NCAPD3: variants seen among roughly 807,000 people sequenced by gnomAD.
The protein encoded by NCAPD3 is condensin-2 complex subunit D3.
Under a neutral mutation model 182.9 loss-of-function variants are expected in NCAPD3, and 105 were observed. The observed-to-expected ratio is 0.57, with a 90% CI of 0.49 to 0.68. The LOEUF (loss-of-function observed/expected upper bound fraction) is 0.68, where lower values mean the gene tolerates loss of function less well. NCAPD3 is among the 30% of genes least tolerant of loss of function. NCAPD3 has a pLI of 0.00. For missense variants in NCAPD3, 1,944 were observed against 1,837.0 expected (o/e 1.06, Z -1.07); for synonymous variants, 815 against 679.9 (o/e 1.20, Z -3.09).
chr11:134,216,259 T>C (rs1214463581), intron 3 of NCAPD3, among the ~76,000 whole-genome samples: 1 of 152,262 alleles, frequency 6.6e-6, no homozygotes, highest in Admixed American at 6.5e-5. Context: ...AATCCTTTGC[T>C]AAACATTTGT....
rs186912402 is a variant in NCAPD3, at chr11:134,220,493, T to C, written c.219+79A>G. ...CCTGTGAACTGTACACCAAGAAAGCTAAGCTTCAGATTATAATAATGACTT... is the reference window on the plus strand; with the variant it reads ...CCTGTGAACTGTACACCAAGAAAGCCAAGCTTCAGATTATAATAATGACTT... On this transcript the variant is annotated intron_variant, in intron 2 of 34. Transcript: ENST00000534548. 1.2e-4 allele frequency: 162 copies of C among 1,397,650 alleles called. 2 individuals carry two copies. In the African/African-American group the frequency reaches 1.8e-3, roughly 16 times the overall value. The allele number at this position is 1,397,650 out of a possible 1,614,324, so 86.6% of individuals were successfully genotyped here.
intron 16 of NCAPD3, among the ~76,000 whole-genome samples, chr11:134,191,460 C>CTTA (rs1944522266): frequency 6.6e-6 from 1 of 151,982 alleles, no homozygotes; most frequent in South Asian, 2.1e-4. Flanking sequence ...ATTTACTGAC[C>CTTA]TTATGGTTTG....
At chr11:134,212,372 GTT>G (rs759637583) in intron 3 of NCAPD3, among the ~76,000 whole-genome samples, 5 of 98,374 alleles carry the variant, frequency 5.1e-5, no homozygotes, top group Non-Finnish European at 7.7e-5. Context: ...ACTTTTTGTT[GTT>G]TTGTGTGTGT....
upstream of NCAPD3, chr11:134,225,022 G>A (rs1477472727): frequency 1.7e-6 from 2 of 1,146,802 alleles, no homozygotes; most frequent in Non-Finnish European, 2.3e-6. Flanking sequence ...GCGGCCGAGC[G>A]CGCTCGCGCA....
intron 24 of NCAPD3, among the ~76,000 whole-genome samples, chr11:134,174,420 A>G (rs1030715183): frequency 6.6e-6 from 1 of 151,262 alleles, no homozygotes; most frequent in African/African-American, 2.4e-5. Context: ...AACAAAAAAA[A>G]CAGTATCTAA....
intron 3 of NCAPD3, among the ~76,000 whole-genome samples, chr11:134,213,069 T>C (rs1396264719): frequency 6.6e-6 from 1 of 152,164 alleles, no homozygotes; most frequent in African/African-American, 2.4e-5. Flanking sequence ...GGCTCATGCT[T>C]ACAATCCCAG....
At chr11:134,184,877 C>T in intron 18 of NCAPD3, 26 bp downstream of exon 18, 2 of 1,563,376 alleles carry the variant, frequency 1.3e-6, no homozygotes, top group Admixed American at 1.7e-5. Context: ...TGCATTTTCA[C>T]ATAAGATTCT....
chr11:134,166,943 ACACT>A (rs1247923338), intron 27 of NCAPD3, among the ~76,000 whole-genome samples: 1 of 116,748 alleles, frequency 8.6e-6, no homozygotes, highest in Admixed American at 8.9e-5. Flanking sequence ...GGGGAGCTGC[ACACT>A]CACTAGTGAG....
chr11:134,176,563 A>G (rs1275793000), intron 23 of NCAPD3, among the ~76,000 whole-genome samples, 177 bp from the exon 24 acceptor site: 1 of 152,122 alleles, frequency 6.6e-6, no homozygotes, highest in African/African-American at 2.4e-5. Context: ...GAACAACATC[A>G]CCCTTCTACC....
intron 3 of NCAPD3, among the ~76,000 whole-genome samples, chr11:134,215,349 G>T (rs1937975765): frequency 2.0e-5 from 3 of 152,012 alleles, no homozygotes. Flanking sequence ...AAAATAAATA[G>T]AAAGAACCCA....
At position 134,204,292 on chromosome 11, in the gene NCAPD3, G is replaced by T; in HGVS notation, c.1090-121C>A. Reference sequence around the variant, plus strand: ...TAGTTCAATGACCTTTAAATGTTACGTAAATGACTAATAAATTTTAGGTTT... The same window carrying T: ...TAGTTCAATGACCTTTAAATGTTACTTAAATGACTAATAAATTTTAGGTTT... On this transcript the variant is annotated intron_variant, in intron 9 of 34. Coordinates refer to ENST00000534548, the MANE Select transcript of NCAPD3 (RefSeq NM_015261.3). The surrounding 1 kb of genome is among the most constrained non-coding windows in gnomAD (Gnocchi z 4.3). 1 of 1,062,924 alleles carries T rather than the reference G, an allele frequency of 9.4e-7. No individual in the cohort carries two copies. Among genetic ancestry groups the T allele is most frequent in the African/African-American group, 1.6e-5 (1 of 62,742 alleles). 65.8% of individuals were successfully genotyped at this position (1,062,924 alleles called of 1,614,324 possible). A position where few individuals can be genotyped will look rare whatever the true frequency, so the allele number is the denominator to read the frequency against.
chr11:134,195,081 G>A (rs536566905), intron 13 of NCAPD3, among the ~76,000 whole-genome samples: 31 of 152,254 alleles, frequency 2.0e-4, no homozygotes, highest in Admixed American at 3.9e-4. Flanking sequence ...TATAACAGCA[G>A]CTTTAAAATG....
intron 24 of NCAPD3, among the ~76,000 whole-genome samples, chr11:134,175,141 A>G (rs1258660675): frequency 6.6e-6 from 1 of 152,194 alleles, no homozygotes; most frequent in East Asian, 1.9e-4. Context: ...TCCCACATAC[A>G]GTTTACTCAT....
At position 134,210,296 on chromosome 11, in the gene NCAPD3, T is replaced by G; in HGVS notation, c.541A>C (p.Lys181Gln). ...ANPGRHRKRG[K>Q]PPRREDIEMD... ...TCAATATCTTCTCTCCTGGGTGGCTTTCCCCTTTTTCTATGCCTCCCGGGG... is the reference window on the plus strand; with the variant it reads ...TCAATATCTTCTCTCCTGGGTGGCTGTCCCCTTTTTCTATGCCTCCCGGGG... Residue 181 changes from lysine to glutamine, a missense_variant, in exon 4 of 35, where the codon AAG becomes CAG. By Grantham distance (53) the Lys-to-Gln change is moderately conservative. This residue lies in a region of NCAPD3 where 1,803 missense variants were observed against 1,674.6 expected (regional missense o/e 1.08). Transcript: ENST00000534548. 1 of 1,613,714 alleles carries G rather than the reference T, an allele frequency of 6.2e-7. No individual in the cohort carries two copies. The highest frequency in any genetic ancestry group is 8.5e-7 in the Non-Finnish European group (1 of 1,179,920).
intron 24 of NCAPD3, among the ~76,000 whole-genome samples, chr11:134,172,789 G>A (rs1232745103): frequency 6.6e-6 from 1 of 152,040 alleles, no homozygotes; most frequent in African/African-American, 2.4e-5. Context: ...CCCAATCCCA[G>A]CACTTTGGGA....
At chr11:134,164,105 G>A (rs1004770820) in intron 27 of NCAPD3, among the ~76,000 whole-genome samples, 3 of 152,092 alleles carry the variant, frequency 2.0e-5, no homozygotes, top group Non-Finnish European at 4.4e-5. Flanking sequence ...AGCCTCCAGA[G>A]GCCAGGTGGG....
chr11:134,156,440 G>C (rs146858916), intron 32 of NCAPD3, among the ~76,000 whole-genome samples: 1 of 152,274 alleles, frequency 6.6e-6, no homozygotes, highest in East Asian at 1.9e-4. Flanking sequence ...TATGAGGTTT[G>C]ACACAATATG....
rs756617098 is a variant in NCAPD3 at position 134,168,991 on chromosome 11, G to A, written c.3165C>T (p.His1055=). 1.9e-6 allele frequency: 3 copies of A among 1,613,958 alleles called. No individual in the cohort carries two copies. The highest frequency in any genetic ancestry group is 2.2e-5 in the South Asian group (2 of 91,060). The part of the protein sequence containing the change: ...LKRNPVMFFQ[H]FIECIFHFNN... Reference sequence around the variant, plus strand: ...TAAAGTGAAAAATACATTCAATGAAGTGTTGGAAGAACATGACAGGGTTCC... The same window carrying A: ...TAAAGTGAAAAATACATTCAATGAAATGTTGGAAGAACATGACAGGGTTCC... Residue 1055 remains histidine (H), a synonymous_variant, in exon 25 of 35, where the codon CAC becomes CAT. Coordinates refer to ENST00000534548, the MANE Select transcript of NCAPD3 (RefSeq NM_015261.3).
intron 13 of NCAPD3, among the ~76,000 whole-genome samples, chr11:134,200,634 T>G (rs1263349354): frequency 6.6e-6 from 1 of 152,286 alleles, no homozygotes; most frequent in East Asian, 1.9e-4. Flanking sequence ...AGCAGGATTG[T>G]AAAATGGTGT....
Sources: gnomAD v4.1 joint callset for allele counts (sites outside exome capture counted in the v4.1 genomes callset) on GRCh38, gnomAD v4.1.1 for gene constraint, gnomAD v4.1.1 regional missense constraint, Gnocchi (gnomAD v3.1) non-coding constraint, MANE v1.5 for transcripts, NCBI Gene and HGNC (gene_info 2026-07-23, HGNC 2026-07-21) for gene names.